The following PTPRM variants were observed in gnomAD, a reference collection of about 807,000 sequenced individuals.
The protein encoded by PTPRM is receptor-type tyrosine-protein phosphatase mu.
Under a neutral mutation model 186.7 loss-of-function variants are expected in PTPRM, and 47 were observed. The observed-to-expected ratio is 0.25, with a 90% CI of 0.20 to 0.32. The LOEUF is 0.32. Among genes scored for constraint, PTPRM ranks in the 10% least tolerant of loss-of-function variants. PTPRM has a pLI of 1.00. For missense variants in PTPRM, 1,494 were observed against 1,865.0 expected, an observed-to-expected ratio of 0.80 and a Z score of 3.66; for synonymous variants, 668 against 674.9, an observed-to-expected ratio of 0.99 and a Z score of 0.16.
At chr18:8,054,475 G>GT (rs1175136777) in intron 7 of PTPRM, among the ~76,000 whole-genome samples, 15 of 150,352 alleles carry the variant, frequency 1.0e-4, no homozygotes, top group Admixed American at 9.3e-4. Flanking sequence ...CTTTAGATGA[G>GT]TTACTTGTTA....
intron 1 of PTPRM, among the ~76,000 whole-genome samples, chr18:7,608,850 T>C (rs1339521759): frequency 1.3e-5 from 2 of 152,038 alleles, no homozygotes; most frequent in Non-Finnish European, 2.9e-5. Flanking sequence ...CAGGGTGGGG[T>C]ATGGGATAAG....
chr18:8,070,786 C>T (rs1484941165), intron 8 of PTPRM, among the ~76,000 whole-genome samples: 1 of 152,114 alleles, frequency 6.6e-6, no homozygotes, highest in Non-Finnish European at 1.5e-5. Flanking sequence ...ATTTTTCCGG[C>T]ATCAAAATGA....
At chr18:8,157,113 C>T (rs1245968149) in intron 14 of PTPRM, among the ~76,000 whole-genome samples, 1 of 152,168 alleles carries the variant, frequency 6.6e-6, no homozygotes, top group African/African-American at 2.4e-5. Flanking sequence ...CTTATGCCCA[C>T]ACCTTGGTTC....
intron 1 of PTPRM, among the ~76,000 whole-genome samples, chr18:7,601,606 C>T (rs908030043): frequency 3.4e-4 from 52 of 152,196 alleles, no homozygotes; most frequent in African/African-American, 1.2e-3. Flanking sequence ...TGGGTTTATT[C>T]TCTTCTGTGT....
At chr18:8,119,874 T>C (rs1005972863) in intron 13 of PTPRM, among the ~76,000 whole-genome samples, 2 of 152,110 alleles carry the variant, frequency 1.3e-5, no homozygotes, top group Non-Finnish European at 2.9e-5. Flanking sequence ...AATTTCTGTC[T>C]TTATTCCAAT....
At chr18:8,200,526 G>A (rs1489333580) in intron 14 of PTPRM, among the ~76,000 whole-genome samples, 2 of 152,240 alleles carry the variant, frequency 1.3e-5, no homozygotes, top group African/African-American at 4.8e-5. Context: ...ATGTTAGAGG[G>A]AGGAAGTTGG....
chr18:7,959,617 T>C (rs941024191), intron 7 of PTPRM, among the ~76,000 whole-genome samples: 2 of 152,194 alleles, frequency 1.3e-5, no homozygotes, highest in African/African-American at 2.4e-5. Context: ...CTTCTGAAAA[T>C]TATTTCCAAA....
intron 7 of PTPRM, among the ~76,000 whole-genome samples, chr18:8,022,001 AT>A (rs2085265664): frequency 1.3e-5 from 2 of 152,220 alleles, no homozygotes. Flanking sequence ...TAAAATTTGT[AT>A]TTTGTGGTGT....
intron 7 of PTPRM, among the ~76,000 whole-genome samples, chr18:8,007,063 A>G (rs968258935): frequency 6.6e-6 from 1 of 152,142 alleles, no homozygotes; most frequent in Non-Finnish European, 1.5e-5. Flanking sequence ...CCTCTAGATA[A>G]TTATCCTTTG....
chr18:8,063,423 C>G (rs1427518190), intron 7 of PTPRM, among the ~76,000 whole-genome samples: 2 of 152,292 alleles, frequency 1.3e-5, no homozygotes, highest in African/African-American at 4.8e-5. Flanking sequence ...GTCGCTCACG[C>G]TGGGAGCTGT....
intron 4 of PTPRM, among the ~76,000 whole-genome samples, chr18:7,918,351 A>T (rs1056154721): frequency 3.3e-5 from 5 of 152,156 alleles, no homozygotes; most frequent in African/African-American, 1.2e-4. Context: ...TTATATTCCC[A>T]CCAACACTGT....
chr18:8,001,210 GTC>G (rs2083853499), intron 7 of PTPRM, among the ~76,000 whole-genome samples: 3 of 152,296 alleles, frequency 2.0e-5, no homozygotes, highest in East Asian at 1.9e-4. Context: ...TTCGTTGCAA[GTC>G]TCTGCTGAGA....
intron 1 of PTPRM, among the ~76,000 whole-genome samples, chr18:7,657,435 G>C (rs1334922204): frequency 6.6e-6 from 1 of 152,204 alleles, no homozygotes. Flanking sequence ...CACCTTGCCC[G>C]AGCAGTTGGT....
Position 8,279,067 on chromosome 18 carries a change from T to G in PTPRM, c.2755-17301T>G, listed in dbSNP as rs2094871176. Among the ~76,000 whole-genome samples, 3 of 151,818 alleles carry G rather than the reference T, an allele frequency of 2.0e-5. No homozygotes were observed. In the South Asian group the frequency reaches 6.3e-4, roughly 32 times the overall value. ...CGTTGCGCACATGTACCCTAGAACTTAAAGTATAATACAAATATATATATA... is the reference window on the plus strand; with the variant it reads ...CGTTGCGCACATGTACCCTAGAACTGAAAGTATAATACAAATATATATATA... On this transcript the variant is annotated intron_variant, in intron 19 of 32. Transcript: ENST00000580170.
intron 11 of PTPRM, among the ~76,000 whole-genome samples, chr18:8,103,438 G>T (rs981569810): frequency 6.6e-6 from 1 of 152,216 alleles, no homozygotes; most frequent in Non-Finnish European, 1.5e-5. Flanking sequence ...GCTTCGCTTT[G>T]TACTTTTATG....
chr18:7,572,680 T>C (rs1229032541), intron 1 of PTPRM, among the ~76,000 whole-genome samples: 1 of 152,228 alleles, frequency 6.6e-6, no homozygotes, highest in African/African-American at 2.4e-5. Context: ...TTAGGGGTTA[T>C]GTCCACCATG....
chr18:7,926,782 A>G lies in PTPRM; in HGVS notation c.663+99A>G, dbSNP rs1599552461. The G allele has an allele frequency of 2.9e-5, 21 of 729,350 alleles. No individual in the cohort carries two copies. The East Asian group carries it at 6.1e-4, about 21-fold the overall frequency. The allele number at this position is 729,350 out of a possible 1,614,324, so 45.2% of individuals were successfully genotyped here. ...GAGAAACAGACTCAGGTCCTAGTGT[A>G]AGAGTTTCCTTCTTTGTTAATAAGT... On this transcript the variant is annotated intron_variant, in intron 5 of 32. Transcript: ENST00000580170.
chr18:8,091,527 G>A (rs952940792), intron 11 of PTPRM, among the ~76,000 whole-genome samples: 1 of 151,788 alleles, frequency 6.6e-6, no homozygotes, highest in Non-Finnish European at 1.5e-5. Context: ...TCTTAAATGG[G>A]TAAATCGTGT....
chr18:7,772,895 G>A (rs1324597451), intron 1 of PTPRM, among the ~76,000 whole-genome samples: 2 of 152,074 alleles, frequency 1.3e-5, no homozygotes, highest in South Asian at 2.1e-4. Flanking sequence ...ATGATTAATA[G>A]CATTATATGG....
Sources: allele counts gnomAD v4.1 joint callset (sites outside exome capture counted in the v4.1 genomes callset), GRCh38; gene constraint gnomAD v4.1.1; transcripts MANE v1.5; gene names NCBI Gene and HGNC (gene_info 2026-07-23, HGNC 2026-07-21).